Variants in LYPD6 observed in about 807,000 individuals in gnomAD.
LYPD6 encodes ly6/PLAUR domain-containing protein 6.
LYPD6 carries 15 observed loss-of-function variants against 22.7 expected under a neutral mutation model. That is an observed-to-expected ratio of 0.66 (90% CI 0.44 to 1.02). The LOEUF (loss-of-function observed/expected upper bound fraction) is 1.02. Among genes scored for constraint, LYPD6 ranks in the 50% least tolerant of loss-of-function variants. LYPD6 has a pLI of 0.00. For missense variants in LYPD6, 189 were observed against 208.4 expected (o/e 0.91, Z 0.57); for synonymous variants, 72 against 77.5 (o/e 0.93, Z 0.37).
At chr2:149,458,669 T>C (rs1025078754) in intron 3 of LYPD6, among the ~76,000 whole-genome samples, 3 of 152,164 alleles carry the variant, frequency 2.0e-5, no homozygotes, top group African/African-American at 7.2e-5. Flanking sequence ...ATAATAAAAA[T>C]GTTTCAGTAA....
At chr2:149,345,580 G>A (rs1299414411) in intron 1 of LYPD6, among the ~76,000 whole-genome samples, 1 of 151,610 alleles carries the variant, frequency 6.6e-6, no homozygotes, top group Non-Finnish European at 1.5e-5. Flanking sequence ...CTCCCAAAGT[G>A]CTGGGATTAC....
At chr2:149,375,483 C>G (rs746335774) in intron 1 of LYPD6, among the ~76,000 whole-genome samples, 22 of 152,106 alleles carry the variant, frequency 1.4e-4, no homozygotes, top group Admixed American at 2.6e-4. Context: ...GAAAATAAAG[C>G]TCAGCAAGTT....
At chr2:149,460,381 A>C (rs1009331491) in intron 3 of LYPD6, among the ~76,000 whole-genome samples, 5 of 152,110 alleles carry the variant, frequency 3.3e-5, no homozygotes, top group African/African-American at 1.2e-4. Flanking sequence ...AAATTACCAG[A>C]GGCAGAGAGG....
At chr2:149,425,106 A>G (rs1683162820) in intron 1 of LYPD6, among the ~76,000 whole-genome samples, 1 of 152,020 alleles carries the variant, frequency 6.6e-6, no homozygotes, top group Non-Finnish European at 1.5e-5. Flanking sequence ...AGGAAGGATT[A>G]TGGATGTCTT....
chr2:149,334,387 G>A (rs76393334), intron 1 of LYPD6, among the ~76,000 whole-genome samples: 4,520 of 152,266 alleles, frequency 0.03, 82 homozygotes, highest in Non-Finnish European at 0.045. Flanking sequence ...ATAAAACAGC[G>A]TGTAAATGAA....
chr2:149,448,878 C>G (rs549320100), intron 2 of LYPD6, among the ~76,000 whole-genome samples, 171 bp from the exon 3 acceptor site: 40 of 152,230 alleles, frequency 2.6e-4, no homozygotes, highest in Non-Finnish European at 4.9e-4. Context: ...GTTCATTTCT[C>G]AGGGACAGAT....
intron 2 of LYPD6, 67 bp from the exon 3 acceptor site, chr2:149,448,982 G>A (rs1482641841): frequency 1.6e-5 from 19 of 1,208,228 alleles, no homozygotes; most frequent in African/African-American, 3.1e-5. Flanking sequence ...TAATGAAAAT[G>A]TCTTAACTTC....
At chr2:149,330,761 CAG>C (rs1378992626) in intron 1 of LYPD6, 39 bp downstream of exon 1, 4 of 152,310 alleles carry the variant, frequency 2.6e-5, no homozygotes, top group Admixed American at 6.5e-5. Flanking sequence ...CACAAAAGAA[CAG>C]GGGATTGGTG....
chr2:149,416,136 G>C (rs2105127521), intron 1 of LYPD6, among the ~76,000 whole-genome samples: 1 of 152,302 alleles, frequency 6.6e-6, no homozygotes, highest in Non-Finnish European at 1.5e-5. Context: ...ACTCAGAAGA[G>C]GAAGGTTAGC....
In LYPD6 at chr2:149,449,037, C is replaced by T. The variant is rs1683749533; in HGVS notation, c.119-12C>T. On this transcript the variant is annotated splice_polypyrimidine_tract_variant and intron_variant, in intron 2 of 4. Coordinates refer to ENST00000334166, the MANE Select transcript of LYPD6 (RefSeq NM_194317.5). ...CTAAAAATTAATCTTTTCTCTTAAT[C>T]CTTTTTTTTAGCCACACCATATCCT... 1 of 1,594,134 alleles carries T rather than the reference C, an allele frequency of 6.3e-7. No homozygotes were observed. Among genetic ancestry groups the T allele is most frequent in the South Asian group, 1.1e-5 (1 of 89,582 alleles).
At chr2:149,477,537 C>T (rs1015596959), downstream of LYPD6, among the ~76,000 whole-genome samples, 10 of 143,632 alleles carry the variant, frequency 7.0e-5, no homozygotes, top group South Asian at 9.1e-4. Context: ...GCAGGAGAAT[C>T]GCTTGAATCT....
chr2:149,354,440 T>G (rs991085935), intron 1 of LYPD6, among the ~76,000 whole-genome samples: 2 of 152,070 alleles, frequency 1.3e-5, no homozygotes, highest in Admixed American at 6.5e-5. Context: ...ACTCCTGACC[T>G]CGTGATCTGC....
intron 1 of LYPD6, among the ~76,000 whole-genome samples, chr2:149,411,961 A>G (rs762716219): frequency 6.6e-6 from 1 of 152,174 alleles, no homozygotes; most frequent in Non-Finnish European, 1.5e-5. Context: ...GTAATATAGC[A>G]TATGGTCTTC....
At chr2:149,418,044 C>T (rs573661552) in intron 1 of LYPD6, among the ~76,000 whole-genome samples, 13 of 152,286 alleles carry the variant, frequency 8.5e-5, no homozygotes, top group South Asian at 2.1e-4. Context: ...TTTGTTCACT[C>T]GTCTTGTGGT....
At chr2:149,386,708 A>C (rs1439047128) in intron 1 of LYPD6, among the ~76,000 whole-genome samples, 1 of 152,206 alleles carries the variant, frequency 6.6e-6, no homozygotes, top group East Asian at 1.9e-4. Flanking sequence ...GAAAAGGGAG[A>C]GAATGGATAT....
chr2:149,427,547 A>G (rs767177802), intron 1 of LYPD6, among the ~76,000 whole-genome samples: 47 of 152,240 alleles, frequency 3.1e-4, no homozygotes, highest in Admixed American at 3.9e-4. Flanking sequence ...TGATGGAGAA[A>G]GCAAACAAGC....
At chr2:149,448,587 A>C (rs1401793313) in intron 2 of LYPD6, among the ~76,000 whole-genome samples, 4 of 151,974 alleles carry the variant, frequency 2.6e-5, no homozygotes, top group African/African-American at 9.7e-5. Context: ...GACAACCACT[A>C]ATCATTTCAA....
At chr2:149,477,467 A>C (rs900022966), downstream of LYPD6, among the ~76,000 whole-genome samples, 1 of 152,010 alleles carries the variant, frequency 6.6e-6, no homozygotes, top group Non-Finnish European at 1.5e-5. Flanking sequence ...TACTAAAAAA[A>C]CAAAAATTAG....
chr2:149,360,382 C>G (rs1009003450), intron 1 of LYPD6, among the ~76,000 whole-genome samples: 1 of 152,180 alleles, frequency 6.6e-6, no homozygotes, highest in Non-Finnish European at 1.5e-5. Flanking sequence ...CCTTATTTTT[C>G]CCAGCCCCTA....
Sources: allele counts gnomAD v4.1 joint callset (sites outside exome capture counted in the v4.1 genomes callset), GRCh38; gene constraint gnomAD v4.1.1; transcripts MANE v1.5; gene names NCBI Gene and HGNC (gene_info 2026-07-23, HGNC 2026-07-21).